Variants in SKIC3 observed in about 807,000 individuals in gnomAD.
SKIC3 encodes SKI3 subunit of superkiller complex.
the SKIC3 span, among the ~76,000 whole-genome samples, chr5:95,548,257 T>C: frequency 6.6e-6 from 1 of 152,004 alleles, no homozygotes; most frequent in East Asian, 1.9e-4. Flanking sequence ...GGGAGTAAAA[T>C]GTACCAAAAA....
chr5:95,538,467 GTGAACAAATGAACACATGAACAAA>G, the SKIC3 span, among the ~76,000 whole-genome samples: 1 of 152,058 alleles, frequency 6.6e-6, no homozygotes, highest in Admixed American at 6.5e-5. Flanking sequence ...AAATTAATGA[GTGAACAAATGAACACATGAACAAA>G]TGAACAAATG....
At chr5:95,467,845 T>C in the SKIC3 span, 220 of 1,613,198 alleles carry the variant, frequency 1.4e-4, no homozygotes, top group African/African-American at 2.6e-3. Flanking sequence ...TCAAACATTT[T>C]AAATAAAATC....
the SKIC3 span, among the ~76,000 whole-genome samples, chr5:95,493,501 T>TA: frequency 6.6e-6 from 1 of 152,088 alleles, no homozygotes; most frequent in Non-Finnish European, 1.5e-5. Context: ...ACTCCAAAAA[T>TA]AAAAAACCTA....
chr5:95,548,262 C>T, the SKIC3 span, among the ~76,000 whole-genome samples: 3 of 151,762 alleles, frequency 2.0e-5, no homozygotes, highest in Non-Finnish European at 4.4e-5. Flanking sequence ...TAAAATGTAC[C>T]AAAAAGATGA....
At chr5:95,508,040 G>T in the SKIC3 span, among the ~76,000 whole-genome samples, 1 of 151,874 alleles carries the variant, frequency 6.6e-6, no homozygotes, top group Non-Finnish European at 1.5e-5. Context: ...AAGTTTGTTG[G>T]CTTTGAAAGA....
At chr5:95,509,272 G>A in the SKIC3 span, among the ~76,000 whole-genome samples, 1 of 152,080 alleles carries the variant, frequency 6.6e-6, no homozygotes, top group Non-Finnish European at 1.5e-5. Flanking sequence ...CTAAAACCGG[G>A]TCCTTGTCAC....
chr5:95,475,351 T>A, the SKIC3 span, among the ~76,000 whole-genome samples: 1 of 152,084 alleles, frequency 6.6e-6, no homozygotes, highest in Admixed American at 6.6e-5. Flanking sequence ...CATGAATGGT[T>A]TAGCACCATT....
chr5:95,529,349 C>A, the SKIC3 span: 5 of 543,162 alleles, frequency 9.2e-6, no homozygotes, highest in Non-Finnish European at 1.7e-5. Flanking sequence ...CACCCCAATG[C>A]ATTCTTTACA....
the SKIC3 span, chr5:95,536,926 C>T: frequency 2.5e-6 from 4 of 1,613,258 alleles, no homozygotes; most frequent in Non-Finnish European, 3.4e-6. Context: ...CATGAGGAAA[C>T]TTGAAAATAT....
At chr5:95,468,068 A>G in the SKIC3 span, 9 of 1,554,308 alleles carry the variant, frequency 5.8e-6, no homozygotes, top group East Asian at 2.1e-4. Context: ...TCACACACAC[A>G]TTATCTTTCT....
chr5:95,490,922 G>A, the SKIC3 span: 1 of 1,614,100 alleles, frequency 6.2e-7, no homozygotes, highest in East Asian at 2.2e-5. Context: ...AGCAGAAACA[G>A]CAGATAACAG....
the SKIC3 span, among the ~76,000 whole-genome samples, chr5:95,546,339 G>GAAAAAAAAAAAAA: frequency 1.7e-4 from 10 of 57,478 alleles, no homozygotes; most frequent in African/African-American, 6.8e-4. Flanking sequence ...CCCACCATGA[G>GAAAAAAAAAAAAA]AAAAAAAAAA....
the SKIC3 span, chr5:95,495,071 G>GA: frequency 6.3e-7 from 1 of 1,579,530 alleles, no homozygotes; most frequent in Non-Finnish European, 8.7e-7. Context: ...TCATGAAAAA[G>GA]AAAAAATTAA....
At chr5:95,494,341 G>A in the SKIC3 span, among the ~76,000 whole-genome samples, 1 of 151,950 alleles carries the variant, frequency 6.6e-6, no homozygotes, top group Non-Finnish European at 1.5e-5. Flanking sequence ...TATAAACTTT[G>A]CTCCTATAAA....
At chr5:95,547,169 C>G in the SKIC3 span, 1 of 1,608,628 alleles carries the variant, frequency 6.2e-7, no homozygotes, top group East Asian at 2.2e-5. Flanking sequence ...GGCAGAAAGC[C>G]TGAGTAAATC....
the SKIC3 span, among the ~76,000 whole-genome samples, chr5:95,522,787 T>A: frequency 6.6e-6 from 1 of 152,186 alleles, no homozygotes; most frequent in East Asian, 1.9e-4. Context: ...TTGATTCAAA[T>A]ACATTTATTT....
At chr5:95,478,971 T>C in the SKIC3 span, among the ~76,000 whole-genome samples, 3 of 152,262 alleles carry the variant, frequency 2.0e-5, no homozygotes, top group African/African-American at 7.2e-5. Context: ...AATGTTTACT[T>C]ATCACCACTT....
chr5:95,529,006 C>T, the SKIC3 span: 2 of 1,613,516 alleles, frequency 1.2e-6, no homozygotes, highest in East Asian at 2.2e-5. Context: ...AATACCTTGA[C>T]TGCATGAAAG....
the SKIC3 span, chr5:95,541,695 GAAAA>G: frequency 1.8e-5 from 10 of 556,712 alleles, no homozygotes; most frequent in Admixed American, 7.4e-5. Flanking sequence ...ACAAATGTTT[GAAAA>G]AAAAAAAAAG....
Sources: gnomAD v4.1 joint callset for allele counts (sites outside exome capture counted in the v4.1 genomes callset) on GRCh38, gnomAD v4.1.1 for gene constraint, MANE v1.5 for transcripts, NCBI Gene and HGNC (gene_info 2026-07-23, HGNC 2026-07-21) for gene names.